Variants in DPYSL5 observed in about 807,000 individuals in gnomAD.
The protein encoded by DPYSL5 is dihydropyrimidinase-related protein 5.
Under a neutral mutation model 58.4 loss-of-function variants are expected in DPYSL5, and 9 were observed. That is an observed-to-expected ratio of 0.15 (90% confidence interval 0.09 to 0.27). DPYSL5 has a LOEUF of 0.27. Ranked by LOEUF, DPYSL5 falls within the 10% of genes least tolerant of loss-of-function variation. The probability of loss-of-function intolerance (pLI) is 1.00; values close to 1 mark genes in which losing one functional copy is unlikely to be tolerated. For missense variants in DPYSL5, 499 were observed against 770.6 expected, an observed-to-expected ratio of 0.65 and a Z score of 4.17; for synonymous variants, 293 against 301.9, an observed-to-expected ratio of 0.97 and a Z score of 0.31.
At chr2:26,921,771 A>G (rs1004024882) in intron 2 of DPYSL5, among the ~76,000 whole-genome samples, 1 of 152,148 alleles carries the variant, frequency 6.6e-6, no homozygotes, top group African/African-American at 2.4e-5. Context: ...GGTAATAATT[A>G]TTCCAGATAC....
At chr2:26,929,306 C>T (rs1044883121) in intron 5 of DPYSL5, among the ~76,000 whole-genome samples, 1 of 152,166 alleles carries the variant, frequency 6.6e-6, no homozygotes, top group African/African-American at 2.4e-5. Flanking sequence ...AATCTCGGCT[C>T]ACTGCAACCT....
intron 1 of DPYSL5, among the ~76,000 whole-genome samples, chr2:26,884,434 T>C (rs1663657279): frequency 1.3e-5 from 2 of 151,834 alleles, no homozygotes; most frequent in African/African-American, 4.8e-5. Context: ...AGGCTTCAGC[T>C]TGAACGCCCA....
Position 26,942,417 on chromosome 2 carries a change from A to G in DPYSL5, c.1233-126A>G, listed in dbSNP as rs1665347074. On this transcript the variant is annotated intron_variant, in intron 10 of 12. Transcript: ENST00000288699. The surrounding 1 kb of genome is among the most constrained non-coding windows in gnomAD (Gnocchi z 5.9). ...AGGTTCTGGGTGTTAGAACTTCAGC[A>G]GAAGAATTTTGAAGGGAGCCAATTC... 1 of 1,107,332 alleles carries G rather than the reference A, an allele frequency of 9.0e-7. No homozygotes were observed. 68.6% of individuals were successfully genotyped at this position (1,107,332 alleles called of 1,614,324 possible).
At chr2:26,868,890 T>G (rs1663183370) in intron 1 of DPYSL5, among the ~76,000 whole-genome samples, 1 of 152,206 alleles carries the variant, frequency 6.6e-6, no homozygotes, top group Non-Finnish European at 1.5e-5. Context: ...TGTCTTCCTG[T>G]CTAAGCATAT....
intron 2 of DPYSL5, among the ~76,000 whole-genome samples, chr2:26,910,107 T>A (rs774268162): frequency 2.6e-5 from 4 of 152,244 alleles, no homozygotes; most frequent in Non-Finnish European, 5.9e-5. Flanking sequence ...AATGGAGCAA[T>A]GCGATATGCA....
intron 2 of DPYSL5, among the ~76,000 whole-genome samples, chr2:26,909,862 C>T (rs1438694914): frequency 1.3e-5 from 2 of 151,718 alleles, no homozygotes; most frequent in Admixed American, 1.3e-4. Context: ...ACCTGGGAAG[C>T]CACCTTTAAA....
Position 26,940,937 on chromosome 2 carries a change from A to AT in DPYSL5, c.1089+768dup, listed in dbSNP as rs67016261. ...TCTGATTATTATTATTATTATTATT[A>AT]TTTATTTTTTTTTGTGTGTGATAGA... On this transcript the variant is annotated intron_variant, in intron 9 of 12. Coordinates refer to ENST00000288699, the MANE Select transcript of DPYSL5 (RefSeq NM_020134.4). Among the ~76,000 whole-genome samples the AT allele has an allele frequency of 5.0e-3, 204 of 40,652 alleles. 1 individual carries two copies. Among genetic ancestry groups the AT allele is most frequent in the East Asian group, 8.2e-3 (9 of 1,094 alleles). The allele number at this position is 40,652 out of a possible 152,430, so 26.7% of individuals were successfully genotyped here. A position where few individuals can be genotyped will look rare whatever the true frequency, so the allele number is the denominator to read the frequency against.
At chr2:26,917,809 GA>G (rs1664605250) in intron 2 of DPYSL5, among the ~76,000 whole-genome samples, 1 of 152,128 alleles carries the variant, frequency 6.6e-6, no homozygotes, top group Admixed American at 6.6e-5. Context: ...AAATTATTAA[GA>G]ATTTCCAGAT....
chr2:26,888,628 C>T (rs1663790037), intron 1 of DPYSL5, among the ~76,000 whole-genome samples: 1 of 152,082 alleles, frequency 6.6e-6, no homozygotes. Context: ...TCCCATTCTG[C>T]CTGAGATGAC....
At chr2:26,866,052 T>C (rs1297776623) in intron 1 of DPYSL5, among the ~76,000 whole-genome samples, 2 of 152,168 alleles carry the variant, frequency 1.3e-5, no homozygotes, top group African/African-American at 4.8e-5. Flanking sequence ...GAAGGATAAA[T>C]GCCCTGTGAA....
chr2:26,933,025 C>A lies in DPYSL5; in HGVS notation c.715-233C>A, dbSNP rs1007781009. ...CTTGAACTTCACAGGCTGGGCTTCCCGGTGGGCTCTGGTGCTGGAGGCTGT... is the reference window on the plus strand; with the variant it reads ...CTTGAACTTCACAGGCTGGGCTTCCAGGTGGGCTCTGGTGCTGGAGGCTGT... On this transcript the variant is annotated intron_variant, in intron 6 of 12. Coordinates refer to ENST00000288699, the MANE Select transcript of DPYSL5 (RefSeq NM_020134.4). This position sits in a 1 kb window ranked among gnomAD's most constrained non-coding sequence, Gnocchi z 4.2. 3.9e-5 allele frequency among the ~76,000 whole-genome samples: 6 copies of A among 152,168 alleles called. No homozygotes were observed. Among genetic ancestry groups the A allele is most frequent in the African/African-American group, 1.4e-4 (6 of 41,438 alleles).
At chr2:26,930,704 G>A (rs995454746) in intron 5 of DPYSL5, among the ~76,000 whole-genome samples, 5 of 152,058 alleles carry the variant, frequency 3.3e-5, no homozygotes, top group African/African-American at 7.2e-5. Context: ...GCCGGGCATG[G>A]TGGCTCACAC....
At chr2:26,858,681 A>C (rs915406528) in intron 1 of DPYSL5, among the ~76,000 whole-genome samples, 30 of 145,170 alleles carry the variant, frequency 2.1e-4, no homozygotes, top group African/African-American at 7.7e-4. Context: ...CTCTCACCTC[A>C]CCCTCCCAAG....
At position 26,942,714 on chromosome 2, in the gene DPYSL5, A is replaced by G. The variant is rs1665356527; in HGVS notation, c.1404A>G (p.Pro468=). The change falls in exon 11 of 13, where the codon CCA becomes CCG. Residue 468 remains proline (P), a synonymous_variant. Transcript: ENST00000288699. The surrounding 1 kb of genome is among the most constrained non-coding windows in gnomAD (Gnocchi z 5.9). The part of the protein sequence containing the change: ...TGKFCPLRSF[P]DTVYKKLVQR... The stretch of plus-strand genomic sequence containing the variant: ...AGTTCTGTCCCCTGAGGTCCTTCCC[A>G]GACACTGTCTACAAGAAGCTGGTCC... 3 of 1,614,116 alleles carry G rather than the reference A, an allele frequency of 1.9e-6. No homozygotes were observed. The highest frequency in any genetic ancestry group is 1.7e-4 in the Middle Eastern group (1 of 6,046).
chr2:26,928,444 C>T, intron 5 of DPYSL5, 121 bp downstream of exon 5: 1 of 1,135,720 alleles, frequency 8.8e-7, no homozygotes, highest in Non-Finnish European at 1.3e-6. Context: ...GTCTGTAATC[C>T]CAACATTTGG....
At chr2:26,931,201 G>GTATATATATATATATA (rs1161770394) in intron 5 of DPYSL5, among the ~76,000 whole-genome samples, 891 of 54,370 alleles carry the variant, frequency 0.016, 17 homozygotes, top group Non-Finnish European at 0.025. Flanking sequence ...GTGTGTGTGT[G>GTATATATATATATATA]TGTATATATA....
chr2:26,899,751 T>C (rs1209676970), intron 2 of DPYSL5, among the ~76,000 whole-genome samples: 1 of 152,134 alleles, frequency 6.6e-6, no homozygotes. Flanking sequence ...ACAGTAGCCA[T>C]TGCCCGACTG....
rs373788010 is a variant in DPYSL5 at position 26,947,602 on chromosome 2, C to T, written c.*607C>T. ...TTCTCCTGCGCCCCGCCCACACCCT[C>T]GGGGGGTCACAGGCCCAGAAGGGTA... On this transcript the variant is annotated 3_prime_UTR_variant, in exon 13 of 13. Coordinates refer to ENST00000288699, the MANE Select transcript of DPYSL5 (RefSeq NM_020134.4). This position sits in a 1 kb window ranked among gnomAD's most constrained non-coding sequence, Gnocchi z 4.2. The T allele has an allele frequency of 2.0e-4, 31 of 152,686 alleles. No individual in the cohort carries two copies. The highest frequency in any genetic ancestry group is 7.0e-4 in the African/African-American group (29 of 41,510). 9.5% of individuals were successfully genotyped at this position (152,686 alleles called of 1,614,324 possible). A position where few individuals can be genotyped will look rare whatever the true frequency, so the allele number is the denominator to read the frequency against.
intron 1 of DPYSL5, among the ~76,000 whole-genome samples, chr2:26,855,602 C>T (rs1425001505): frequency 1.3e-5 from 2 of 152,154 alleles, no homozygotes; most frequent in African/African-American, 2.4e-5. Flanking sequence ...GCTGCCTGGA[C>T]TCCCTGTGAA....
Sources: allele counts gnomAD v4.1 joint callset (sites outside exome capture counted in the v4.1 genomes callset), GRCh38; gene constraint gnomAD v4.1.1; non-coding constraint Gnocchi (gnomAD v3.1); transcripts MANE v1.5; gene names NCBI Gene and HGNC (gene_info 2026-07-23, HGNC 2026-07-21).